The following USH2A variants were observed in gnomAD, a reference collection of about 807,000 sequenced individuals.
The protein encoded by USH2A is usherin.
USH2A carries 443 observed loss-of-function variants against 538.9 expected under a neutral mutation model. That is an observed-to-expected ratio of 0.82 (90% confidence interval 0.76 to 0.89). The LOEUF (loss-of-function observed/expected upper bound fraction) is 0.89, where lower values mean the gene tolerates loss of function less well. USH2A is among the 40% of genes least tolerant of loss of function. USH2A has a pLI of 0.00. For synonymous variants in USH2A, 2,413 were observed against 2,273.5 expected, an observed-to-expected ratio of 1.06 and a Z score of -1.75; for missense variants, 6,633 against 6,324.8, an observed-to-expected ratio of 1.05 and a Z score of -1.65.
chr1:216,133,593 G>C (rs998908768), intron 21 of USH2A, among the ~76,000 whole-genome samples: 1 of 152,078 alleles, frequency 6.6e-6, no homozygotes, highest in Admixed American at 6.6e-5. Flanking sequence ...ATTAGAAGCT[G>C]AGGGAAGAGA....
chr1:215,782,949 A>G lies in USH2A; in HGVS notation c.10388-14T>C, dbSNP rs767589311. Reference sequence around the variant, plus strand: ...TGAGGTTCACATCTGGAAAGAGAAAAAATAGACAGGGAAGTTTCTCTTATT... The same window carrying G: ...TGAGGTTCACATCTGGAAAGAGAAAGAATAGACAGGGAAGTTTCTCTTATT... On this transcript the variant is annotated splice_polypyrimidine_tract_variant and intron_variant, in intron 52 of 71. Transcript: ENST00000307340. The G allele has an allele frequency of 2.5e-6, 4 of 1,610,306 alleles. No homozygotes were observed. The Admixed American group carries it at 5.1e-5, about 20-fold the overall frequency.
chr1:215,951,856 T>TTTATTTATTTA (rs778548789), intron 37 of USH2A, among the ~76,000 whole-genome samples: 1 of 151,566 alleles, frequency 6.6e-6, no homozygotes, highest in Non-Finnish European at 1.5e-5. Context: ...TTTTTTTATT[T>TTTATTTATTTA]TTTATTTTTT....
chr1:216,086,356 T>A (rs1260500020), intron 24 of USH2A, among the ~76,000 whole-genome samples: 1 of 152,116 alleles, frequency 6.6e-6, no homozygotes, highest in Non-Finnish European at 1.5e-5. Flanking sequence ...CTATTTAGAG[T>A]ATAAATCAAG....
intron 26 of USH2A, 120 bp downstream of exon 26, chr1:216,083,336 A>G: frequency 2.5e-6 from 3 of 1,186,146 alleles, no homozygotes; most frequent in Non-Finnish European, 3.5e-6. Flanking sequence ...TGGGAAAAAA[A>G]ATGAACAAAT....
intron 21 of USH2A, among the ~76,000 whole-genome samples, chr1:216,149,255 G>A (rs932159962): frequency 9.9e-5 from 15 of 152,206 alleles, no homozygotes; most frequent in African/African-American, 3.1e-4. Flanking sequence ...CTTTCCTACC[G>A]GGTCTGAGAA....
At chr1:216,274,397 A>G (rs1195933043) in intron 11 of USH2A, among the ~76,000 whole-genome samples, 2 of 152,160 alleles carry the variant, frequency 1.3e-5, no homozygotes, top group South Asian at 4.1e-4. Context: ...ATCTATATTT[A>G]TTTGTCTATA....
In USH2A at chr1:215,623,641, G is replaced by T. The variant is rs1278686064; in HGVS notation, c.*2140C>A. On this transcript the variant is annotated 3_prime_UTR_variant, in exon 72 of 72. Coordinates refer to ENST00000307340, the MANE Select transcript of USH2A (RefSeq NM_206933.4). ...GCAGAAGCCATACAGGCTTCTGTCTGCCCTAAGCTATGGAGTCAAAATGTA... is the reference window on the plus strand; with the variant it reads ...GCAGAAGCCATACAGGCTTCTGTCTTCCCTAAGCTATGGAGTCAAAATGTA... The T allele has an allele frequency of 6.6e-6, 1 of 152,128 alleles. No individual in the cohort carries two copies. Among genetic ancestry groups the T allele is most frequent in the Non-Finnish European group, 1.5e-5 (1 of 68,000 alleles). 9.4% of individuals were successfully genotyped at this position (152,128 alleles called of 1,614,324 possible).
At chr1:216,388,254 A>T (rs1291534294) in intron 3 of USH2A, among the ~76,000 whole-genome samples, 1 of 152,198 alleles carries the variant, frequency 6.6e-6, no homozygotes, top group Non-Finnish European at 1.5e-5. Flanking sequence ...AGTAAATGTC[A>T]GGGAATAATA....
chr1:215,680,468 G>T, intron 61 of USH2A, 92 bp from the exon 62 acceptor site: 2 of 1,289,340 alleles, frequency 1.6e-6, no homozygotes, highest in East Asian at 2.3e-5. Flanking sequence ...CATGGCCAAA[G>T]CTTGTAGGCA....
intron 22 of USH2A, among the ~76,000 whole-genome samples, chr1:216,094,783 T>C (rs1431637800): frequency 1.3e-5 from 2 of 152,158 alleles, no homozygotes; most frequent in African/African-American, 4.8e-5. Flanking sequence ...ATCATGGTCT[T>C]TGGAGCTCAA....
At chr1:215,659,279 G>A (rs1331282979) in intron 64 of USH2A, among the ~76,000 whole-genome samples, 1 of 152,182 alleles carries the variant, frequency 6.6e-6, no homozygotes, top group Non-Finnish European at 1.5e-5. Flanking sequence ...TGAGGGAAGA[G>A]CATTCTATGG....
intron 37 of USH2A, among the ~76,000 whole-genome samples, chr1:215,937,855 T>A (rs956180544): frequency 1.3e-5 from 2 of 152,150 alleles, no homozygotes; most frequent in African/African-American, 4.8e-5. Flanking sequence ...TGTATGAGTA[T>A]AATATTGGTG....
At position 215,900,119 on chromosome 1, in the gene USH2A, C is replaced by T. The variant is rs1020304373; in HGVS notation, c.7550G>A (p.Gly2517Asp). 10 of 1,613,672 alleles carry T rather than the reference C, an allele frequency of 6.2e-6. No individual in the cohort carries two copies. Among genetic ancestry groups the T allele is most frequent in the Non-Finnish European group, 7.6e-6 (9 of 1,179,774 alleles). The change falls in exon 40 of 72, where the codon GGC becomes GAC. Residue 2517 changes from glycine to aspartate, a missense_variant. Coordinates refer to ENST00000307340, the MANE Select transcript of USH2A (RefSeq NM_206933.4). ...TGGAATCCAAGAACTATGTGCACTGCCAAATCCATTGGAGGCAACCAACCG... is the reference window on the plus strand; with the variant it reads ...TGGAATCCAAGAACTATGTGCACTGTCAAATCCATTGGAGGCAACCAACCG... The part of the protein sequence containing the change: ...MFRLVASNGF[G>D]SAHSSWIPFM...
chr1:216,403,132 T>C (rs1033627951), intron 3 of USH2A, among the ~76,000 whole-genome samples: 5 of 152,092 alleles, frequency 3.3e-5, no homozygotes, highest in Admixed American at 2.0e-4. Context: ...GGTTCAACAA[T>C]TGAAAATCAA....
At chr1:216,036,427 A>G (rs776315587) in intron 32 of USH2A, among the ~76,000 whole-genome samples, 1 of 152,188 alleles carries the variant, frequency 6.6e-6, no homozygotes, top group Non-Finnish European at 1.5e-5. Flanking sequence ...ACATACCTAT[A>G]TATGTATATG....
At chr1:215,778,397 A>G (rs1661525312) in intron 55 of USH2A, among the ~76,000 whole-genome samples, 1 of 152,182 alleles carries the variant, frequency 6.6e-6, no homozygotes, top group African/African-American at 2.4e-5. Flanking sequence ...GAGGTAAGGA[A>G]TACAATGTGC....
chr1:215,682,411 T>C (rs924490004), intron 61 of USH2A, among the ~76,000 whole-genome samples: 1 of 152,188 alleles, frequency 6.6e-6, no homozygotes, highest in Non-Finnish European at 1.5e-5. Flanking sequence ...GAGAATTCCA[T>C]TCAGCCCCTA....
chr1:215,929,426 C>CCT (rs1243921658), intron 38 of USH2A, among the ~76,000 whole-genome samples: 7 of 152,060 alleles, frequency 4.6e-5, no homozygotes, highest in Admixed American at 3.3e-4. Context: ...CACAACCACC[C>CCT]CTTAGCAGGG....
At chr1:215,939,570 T>C (rs575188929) in intron 37 of USH2A, among the ~76,000 whole-genome samples, 5 of 152,186 alleles carry the variant, frequency 3.3e-5, no homozygotes, top group African/African-American at 1.2e-4. Flanking sequence ...TAGTAGAAAA[T>C]CTATGCAATT....
Sources: gnomAD v4.1 joint callset for allele counts (sites outside exome capture counted in the v4.1 genomes callset) on GRCh38, gnomAD v4.1.1 for gene constraint, MANE v1.5 for transcripts, NCBI Gene and HGNC (gene_info 2026-07-23, HGNC 2026-07-21) for gene names.